Variants in STK24 observed in about 807,000 individuals in gnomAD.
STK24 encodes serine/threonine-protein kinase 24.
A neutral mutation model predicts 55.6 loss-of-function variants in STK24; 21 were observed. The ratio of observed to expected loss-of-function variants is 0.38; its 90% CI spans 0.27 to 0.54. The LOEUF (loss-of-function observed/expected upper bound fraction) is 0.54, where lower values mean the gene tolerates loss of function less well. STK24 is among the 20% of genes least tolerant of loss of function. The pLI, the probability that STK24 is intolerant of heterozygous loss-of-function variation, is 0.79. For missense variants in STK24, 383 were observed against 538.4 expected (o/e 0.71, Z 2.86); for synonymous variants, 200 against 215.2 (o/e 0.93, Z 0.62).
At chr13:98,557,523 G>A (rs1377450421) in intron 1 of STK24, among the ~76,000 whole-genome samples, 1 of 152,160 alleles carries the variant, frequency 6.6e-6, no homozygotes, top group Non-Finnish European at 1.5e-5. Flanking sequence ...CCCACTGGTG[G>A]CACAGTTCGA....
At chr13:98,492,457 G>A (rs565339853) in intron 2 of STK24, among the ~76,000 whole-genome samples, 1 of 152,236 alleles carries the variant, frequency 6.6e-6, no homozygotes, top group South Asian at 2.1e-4. Context: ...GAGAGTCTCC[G>A]GGTATTTAAA....
At position 98,447,110 on chromosome 13, in the gene STK24, A is replaced by G; in HGVS notation, c.*6063T>C. The G allele has an allele frequency of 2.9e-6, 1 of 346,752 alleles. No individual in the cohort carries two copies. Among genetic ancestry groups the G allele is most frequent in the South Asian group, 3.8e-5 (1 of 26,312 alleles). The allele number at this position is 346,752 out of a possible 1,614,324, so 21.5% of individuals were successfully genotyped here. On this transcript the variant is annotated 3_prime_UTR_variant, in exon 11 of 11. Coordinates refer to ENST00000539966, the MANE Select transcript of STK24 (RefSeq NM_001032296.4). ...GGGATGATGAAGCTAAGCCCCAGTG[A>G]GACTGCCTACATGGTGTAATGGCAG...
chr13:98,484,001 G>A (rs780052975), intron 2 of STK24, among the ~76,000 whole-genome samples: 8 of 152,164 alleles, frequency 5.3e-5, no homozygotes, highest in South Asian at 4.1e-4. Context: ...AGTCTTGACC[G>A]GACAAGTGCG....
At chr13:98,511,594 C>G (rs1895879294) in intron 2 of STK24, among the ~76,000 whole-genome samples, 1 of 152,212 alleles carries the variant, frequency 6.6e-6, no homozygotes, top group Non-Finnish European at 1.5e-5. Context: ...CCCTGGTGCC[C>G]TACTTAACAG....
intron 1 of STK24, among the ~76,000 whole-genome samples, chr13:98,574,350 G>A (rs188650211): frequency 1.1e-4 from 17 of 152,316 alleles, no homozygotes; most frequent in Non-Finnish European, 2.1e-4. Context: ...GAAAAAGGGA[G>A]GGCTATGAGG....
intron 1 of STK24, among the ~76,000 whole-genome samples, chr13:98,565,661 T>C (rs922528926): frequency 6.6e-6 from 1 of 150,706 alleles, no homozygotes; most frequent in African/African-American, 2.4e-5. Context: ...TATATTCGAT[T>C]AGAGGGTACT....
chr13:98,573,952 GGTT>G (rs1206064915), intron 1 of STK24, among the ~76,000 whole-genome samples: 2 of 152,200 alleles, frequency 1.3e-5, no homozygotes, highest in African/African-American at 4.8e-5. Context: ...ATACTAACAT[GGTT>G]GTTATTTTTC....
chr13:98,562,385 T>C (rs1594672203), intron 1 of STK24, among the ~76,000 whole-genome samples: 1 of 152,170 alleles, frequency 6.6e-6, no homozygotes, highest in African/African-American at 2.4e-5. Context: ...GAAACGGGAC[T>C]CGCACACCAC....
chr13:98,572,914 C>T (rs1051917764), intron 1 of STK24, among the ~76,000 whole-genome samples: 3 of 152,138 alleles, frequency 2.0e-5, no homozygotes, highest in Non-Finnish European at 4.4e-5. Context: ...TCTAGTGTTG[C>T]AACCAGCTCC....
chr13:98,532,966 A>G lies in STK24; in HGVS notation c.43-13493T>C, dbSNP rs1239685409. Among the ~76,000 whole-genome samples, 5 of 152,382 alleles carry G rather than the reference A, an allele frequency of 3.3e-5. No individual in the cohort carries two copies. In the South Asian group the frequency reaches 8.3e-4, roughly 25 times the overall value. On this transcript the variant is annotated intron_variant, in intron 1 of 10. Transcript: ENST00000539966. ...AGTATACACTTTATTTTATCCCTACAATAATCACATCATCTAGAGGACAAG... is the reference window on the plus strand; with the variant it reads ...AGTATACACTTTATTTTATCCCTACGATAATCACATCATCTAGAGGACAAG...
chr13:98,464,495 C>CTTTTT (rs551373383), intron 6 of STK24, among the ~76,000 whole-genome samples: 2 of 106,806 alleles, frequency 1.9e-5, no homozygotes, highest in East Asian at 2.8e-4. Context: ...TGTTGTTTAA[C>CTTTTT]TTTTTTTTTT....
At chr13:98,456,204 G>T in intron 10 of STK24, 1 of 212,956 alleles carries the variant, frequency 4.7e-6, no homozygotes, top group Non-Finnish European at 9.7e-6. Flanking sequence ...CCACGTAGAG[G>T]GGCTCTTCAC....
chr13:98,553,127 A>C (rs906082421), intron 1 of STK24: 11 of 152,344 alleles, frequency 7.2e-5, no homozygotes, highest in Admixed American at 6.5e-4. Flanking sequence ...CTGCTCTAAA[A>C]AAAAATTTAT....
chr13:98,466,585 C>A (rs1394583653), intron 5 of STK24, 24 bp from the exon 6 acceptor site: 2 of 1,610,042 alleles, frequency 1.2e-6, no homozygotes, highest in Middle Eastern at 1.7e-4. Context: ...AGCATCTTTA[C>A]AAACACCAAG....
At chr13:98,459,106 T>G (rs574614779) in intron 9 of STK24, among the ~76,000 whole-genome samples, 3 of 152,226 alleles carry the variant, frequency 2.0e-5, no homozygotes, top group African/African-American at 7.2e-5. Flanking sequence ...CCATGCACTT[T>G]CCCTAACTGC....
chr13:98,541,863 A>G (rs1346313752), intron 1 of STK24, among the ~76,000 whole-genome samples: 6 of 152,232 alleles, frequency 3.9e-5, no homozygotes, highest in Non-Finnish European at 5.9e-5. Flanking sequence ...GGTGTATCAC[A>G]TAAATTCCGG....
intron 1 of STK24, among the ~76,000 whole-genome samples, chr13:98,521,581 C>T (rs532488580): frequency 1.3e-5 from 2 of 152,180 alleles, no homozygotes; most frequent in Admixed American, 6.5e-5. Flanking sequence ...ACAGAATGCC[C>T]GGGTGGGTAC....
intron 1 of STK24, among the ~76,000 whole-genome samples, chr13:98,532,128 T>G (rs1896596521): frequency 6.6e-6 from 1 of 152,226 alleles, no homozygotes; most frequent in South Asian, 2.1e-4. Flanking sequence ...ACCACCGGTC[T>G]AGTCTAGGAG....
rs1896485229 is a variant in STK24 at position 98,528,151 on chromosome 13, G to C, written c.43-8678C>G. Reference sequence around the variant, plus strand: ...GGCCCAGGGCGGGAGGTCCAGGACAGACCCGGGCCCATCAGTCTCGGGCTC... The same window carrying C: ...GGCCCAGGGCGGGAGGTCCAGGACACACCCGGGCCCATCAGTCTCGGGCTC... On this transcript the variant is annotated intron_variant, in intron 1 of 10. Coordinates refer to ENST00000539966, the MANE Select transcript of STK24 (RefSeq NM_001032296.4). 4.6e-5 allele frequency among the ~76,000 whole-genome samples: 7 copies of C among 152,192 alleles called. No individual in the cohort carries two copies. In the South Asian group the frequency reaches 1.4e-3, roughly 32 times the overall value.
Sources: allele counts gnomAD v4.1 joint callset (sites outside exome capture counted in the v4.1 genomes callset), GRCh38; gene constraint gnomAD v4.1.1; transcripts MANE v1.5; gene names NCBI Gene and HGNC (gene_info 2026-07-23, HGNC 2026-07-21).